CAB39: variants seen among roughly 807,000 people sequenced by gnomAD.
The protein encoded by CAB39 is calcium binding protein 39.
In CAB39, 8 loss-of-function variants were observed where a neutral mutation model predicts 40.0. That is an observed-to-expected ratio of 0.20 (90% CI 0.12 to 0.36). The LOEUF (loss-of-function observed/expected upper bound fraction) is 0.36. CAB39 is among the 10% of genes least tolerant of loss of function. The pLI is 1.00. For synonymous variants in CAB39, 156 were observed against 141.6 expected (o/e 1.10, Z -0.72); for missense variants, 270 against 401.1 (o/e 0.67, Z 2.79).
Position 230,814,041 on chromosome 2 carries a change from T to A in CAB39, c.628-8T>A. ...AATAACCCTGATTTATGTTCTCTTA[T>A]CTTTTAGTTTTTCAGTGAATATGAG... On this transcript the variant is annotated splice_region_variant and splice_polypyrimidine_tract_variant and intron_variant, in intron 6 of 8. Coordinates refer to ENST00000258418, the MANE Select transcript of CAB39 (RefSeq NM_016289.4). 2 of 987,518 alleles carry A rather than the reference T, an allele frequency of 2.0e-6. No individual in the cohort carries two copies. Among genetic ancestry groups the A allele is most frequent in the Non-Finnish European group, 3.1e-6 (2 of 646,074 alleles). The allele number at this position is 987,518 out of a possible 1,614,324, so 61.2% of individuals were successfully genotyped here.
At chr2:230,801,316 C>T (rs1696085730) in intron 5 of CAB39, among the ~76,000 whole-genome samples, 1 of 152,184 alleles carries the variant, frequency 6.6e-6, no homozygotes, top group Non-Finnish European at 1.5e-5. Context: ...GAAAGGAAGA[C>T]CAGCAGGAAC....
chr2:230,809,082 G>T (rs1308863662), intron 5 of CAB39, among the ~76,000 whole-genome samples: 1 of 152,190 alleles, frequency 6.6e-6, no homozygotes, highest in Non-Finnish European at 1.5e-5. Context: ...AGGAGTTGAG[G>T]TCCGAAAGAC....
chr2:230,803,529 CCTT>C (rs1215529376), intron 5 of CAB39, among the ~76,000 whole-genome samples: 10 of 152,172 alleles, frequency 6.6e-5, no homozygotes, highest in Non-Finnish European at 1.2e-4. Context: ...CCCAAAATCT[CCTT>C]AAGCTGATAA....
At chr2:230,810,561 G>T (rs935818762) in intron 6 of CAB39, among the ~76,000 whole-genome samples, 1 of 152,172 alleles carries the variant, frequency 6.6e-6, no homozygotes, top group Non-Finnish European at 1.5e-5. Flanking sequence ...GGAAAATAGA[G>T]CATTTTGCTG....
intron 1 of CAB39, among the ~76,000 whole-genome samples, chr2:230,758,842 G>A (rs528857873): frequency 1.3e-5 from 2 of 152,266 alleles, no homozygotes; most frequent in South Asian, 2.1e-4. Flanking sequence ...TCATCTTTCG[G>A]TGTCTGATAG....
intron 1 of CAB39, among the ~76,000 whole-genome samples, chr2:230,720,258 A>G (rs537276705): frequency 6.6e-6 from 1 of 152,348 alleles, no homozygotes; most frequent in Non-Finnish European, 1.5e-5. Flanking sequence ...TGTAAAGAAC[A>G]TGCTTTGGCT....
intron 1 of CAB39, 56 bp from the exon 2 acceptor site, chr2:230,759,903 G>C: frequency 1.6e-6 from 1 of 608,838 alleles, no homozygotes; most frequent in Non-Finnish European, 3.0e-6. Flanking sequence ...GATTTAGAAA[G>C]TCTGTCTTCC....
chr2:230,776,721 C>A (rs780362601), intron 2 of CAB39, among the ~76,000 whole-genome samples: 20 of 151,470 alleles, frequency 1.3e-4, no homozygotes, highest in Non-Finnish European at 2.7e-4. Flanking sequence ...GATGGAGTCT[C>A]GCTCTGTCAC....
At chr2:230,747,278 GGA>G (rs998182355) in intron 1 of CAB39, among the ~76,000 whole-genome samples, 12 of 152,216 alleles carry the variant, frequency 7.9e-5, no homozygotes, top group African/African-American at 2.7e-4. Context: ...GACAAGTAGA[GGA>G]GTGAGGGCAT....
intron 2 of CAB39, among the ~76,000 whole-genome samples, chr2:230,770,206 A>T (rs1388750411): frequency 1.3e-5 from 2 of 152,202 alleles, no homozygotes; most frequent in African/African-American, 4.8e-5. Context: ...AAATTAAAAG[A>T]TCAAGAAAAT....
At chr2:230,814,214 G>A in intron 7 of CAB39, 100 bp downstream of exon 7, 3 of 612,380 alleles carry the variant, frequency 4.9e-6, no homozygotes, top group Non-Finnish European at 8.5e-6. Context: ...TAGACCTTTG[G>A]GGGAAATAAA....
At chr2:230,807,123 C>T (rs1034394532) in intron 5 of CAB39, among the ~76,000 whole-genome samples, 2 of 152,148 alleles carry the variant, frequency 1.3e-5, no homozygotes, top group African/African-American at 4.8e-5. Flanking sequence ...GACCTAGCAA[C>T]TCTGCTGGTC....
intron 5 of CAB39, among the ~76,000 whole-genome samples, chr2:230,805,387 C>T (rs1023166859): frequency 6.6e-6 from 1 of 151,494 alleles, no homozygotes; most frequent in Admixed American, 6.6e-5. Flanking sequence ...TACCCTAGAA[C>T]TTAAAGTATA....
At position 230,806,214 on chromosome 2, in the gene CAB39, A is replaced by G. The variant is rs78136573; in HGVS notation, c.568-4049A>G. Among the ~76,000 whole-genome samples, 631 of 152,358 alleles carry G rather than the reference A, an allele frequency of 4.1e-3. 1 individual carries two copies. The highest frequency in any genetic ancestry group is 0.014 in the African/African-American group (580 of 41,588). ...GTTGTTATTACTGACTTTACAGATG[A>G]GGAAAGTGAAGCCTAGAGATTTTGA... On this transcript the variant is annotated intron_variant, in intron 5 of 8. Transcript: ENST00000258418.
intron 1 of CAB39, among the ~76,000 whole-genome samples, chr2:230,747,173 T>C (rs890677939): frequency 6.6e-6 from 1 of 152,090 alleles, no homozygotes; most frequent in Non-Finnish European, 1.5e-5. Flanking sequence ...TGCAGTGAGC[T>C]GAGATCACAT....
At chr2:230,749,902 A>G (rs1575919570) in intron 1 of CAB39, among the ~76,000 whole-genome samples, 1 of 152,194 alleles carries the variant, frequency 6.6e-6, no homozygotes, top group East Asian at 1.9e-4. Context: ...GGACAACCTA[A>G]TAGACACTGC....
chr2:230,810,391 A>C, intron 6 of CAB39, 69 bp downstream of exon 6: 1 of 610,576 alleles, frequency 1.6e-6, no homozygotes, highest in Non-Finnish European at 2.8e-6. Flanking sequence ...AAAGACTTAC[A>C]TTAGGTTTTT....
intron 1 of CAB39, among the ~76,000 whole-genome samples, chr2:230,729,041 A>G (rs889513644): frequency 6.6e-6 from 1 of 152,158 alleles, no homozygotes; most frequent in Non-Finnish European, 1.5e-5. Flanking sequence ...AAGCACTTAC[A>G]TTATCTCAAT....
At chr2:230,789,994 T>G (rs1236185677) in intron 2 of CAB39, among the ~76,000 whole-genome samples, 1 of 152,100 alleles carries the variant, frequency 6.6e-6, no homozygotes, top group Admixed American at 6.5e-5. Flanking sequence ...CAGCACAAGT[T>G]GGGCAGATCG....
Sources: allele counts gnomAD v4.1 joint callset (sites outside exome capture counted in the v4.1 genomes callset), GRCh38; gene constraint gnomAD v4.1.1; transcripts MANE v1.5; gene names NCBI Gene and HGNC (gene_info 2026-07-23, HGNC 2026-07-21).